The following SMC1B variants were observed in gnomAD, a reference collection of about 807,000 sequenced individuals.
SMC1B encodes structural maintenance of chromosomes 1B.
SMC1B carries 60 observed loss-of-function variants against 157.9 expected under a neutral mutation model. The observed-to-expected ratio is 0.38, with a 90% CI of 0.31 to 0.47. The LOEUF is 0.47. SMC1B is among the 20% of genes least tolerant of loss of function. The probability of loss-of-function intolerance (pLI) is 0.99; values close to 1 mark genes in which losing one functional copy is unlikely to be tolerated. For missense variants in SMC1B, 1,165 were observed against 1,426.2 expected (o/e 0.82, Z 2.95); for synonymous variants, 445 against 483.0 (o/e 0.92, Z 1.03).
chr22:45,344,593 C>T lies in SMC1B; in HGVS notation c.3671G>A (p.Gly1224Asp), dbSNP rs769738615. The T allele has an allele frequency of 3.0e-5, 48 of 1,613,962 alleles. No individual in the cohort carries two copies. Among genetic ancestry groups the T allele is most frequent in the Non-Finnish European group, 4.0e-5 (47 of 1,179,966 alleles). ...TCCGTGTCTCTTGCTGCTTTCTTGG[C>T]CTTCAGTGTCTGGATACTGAGAAAG... ...LDLSQYPDTE[G>D]QESSKRHGES... Residue 1224 changes from glycine (G) to aspartate (D), a missense_variant, in exon 25 of 25, where the codon GGC becomes GAC. Physicochemically the swap from Gly to Asp is moderately conservative, Grantham distance 94. Coordinates refer to ENST00000357450, the MANE Select transcript of SMC1B (RefSeq NM_148674.5).
At chr22:45,403,939 G>A (rs1185346627) in intron 4 of SMC1B, among the ~76,000 whole-genome samples, 1 of 151,492 alleles carries the variant, frequency 6.6e-6, no homozygotes, top group Non-Finnish European at 1.5e-5. Flanking sequence ...TTTTTTGTTT[G>A]TTTGTTTGTT....
chr22:45,402,689 T>C, intron 4 of SMC1B, 118 bp from the exon 5 acceptor site: 1 of 763,830 alleles, frequency 1.3e-6, no homozygotes, highest in Non-Finnish European at 2.2e-6. Context: ...TAGGACATAA[T>C]GTTCTTGCCA....
intron 22 of SMC1B, among the ~76,000 whole-genome samples, chr22:45,350,596 T>G (rs920967287): frequency 1.3e-5 from 2 of 150,336 alleles, no homozygotes; most frequent in Admixed American, 1.3e-4. Flanking sequence ...AGTTCTAACC[T>G]CAAATGTCCA....
intron 19 of SMC1B, among the ~76,000 whole-genome samples, chr22:45,357,303 G>A (rs2086679361): frequency 6.6e-6 from 1 of 152,224 alleles, no homozygotes; most frequent in Non-Finnish European, 1.5e-5. Flanking sequence ...CCAAAGAAAT[G>A]TATGGCTACA....
intron 6 of SMC1B, among the ~76,000 whole-genome samples, chr22:45,398,347 C>G (rs1043110801): frequency 6.6e-6 from 1 of 152,184 alleles, no homozygotes; most frequent in Non-Finnish European, 1.5e-5. Context: ...TAAACTTGCT[C>G]GCTCACACAC....
chr22:45,347,572 C>T (rs539330519), intron 23 of SMC1B, among the ~76,000 whole-genome samples: 2 of 152,072 alleles, frequency 1.3e-5, no homozygotes, highest in South Asian at 2.1e-4. Context: ...ACATCACTCA[C>T]AAGACTAGGT....
Position 45,362,972 on chromosome 22 carries a change from G to A in SMC1B, c.2475C>T (p.Arg825=). 1.9e-6 allele frequency: 3 copies of A among 1,599,096 alleles called. No homozygotes were observed. The highest frequency in any genetic ancestry group is 2.6e-6 in the Non-Finnish European group (3 of 1,174,460). Residue 825 remains arginine, a synonymous_variant, in exon 16 of 25, where the codon CGC becomes CGT. Transcript: ENST00000357450. ...TATTCAGTTTCTTCTTAAGGTGACT[G>A]CGACTATACTCAAGTTGAACATTAA... ...TRLNVQLEYS[R]SHLKKKLNKI...
chr22:45,398,285 C>T (rs1248977342), intron 6 of SMC1B, among the ~76,000 whole-genome samples: 1 of 152,222 alleles, frequency 6.6e-6, no homozygotes, highest in Non-Finnish European at 1.5e-5. Flanking sequence ...CAGCTCCAAG[C>T]ACCACATGAA....
intron 24 of SMC1B, 35 bp from the exon 25 acceptor site, chr22:45,344,692 A>C (rs769044225): frequency 6.9e-7 from 1 of 1,439,450 alleles, no homozygotes; most frequent in Non-Finnish European, 9.8e-7. Context: ...AAGTTCCCCT[A>C]ATTAGGGAAA....
intron 17 of SMC1B, among the ~76,000 whole-genome samples, chr22:45,361,614 G>A (rs1178236770): frequency 6.6e-6 from 1 of 152,198 alleles, no homozygotes; most frequent in Non-Finnish European, 1.5e-5. Flanking sequence ...AACAAAGGGA[G>A]ACTCCGTCTG....
rs1484842609 is a variant in SMC1B, at chr22:45,383,574, C to T, written c.1951G>A (p.Val651Met). ...LDGTLFLKSG[V>M]ISGGSSDLKY... Reference sequence around the variant, plus strand: ...AAGTCACTTGACCCTCCAGAGATCACTCCAGATTTTAAAAATAATGTTCCA... The same window carrying T: ...AAGTCACTTGACCCTCCAGAGATCATTCCAGATTTTAAAAATAATGTTCCA... The change falls in exon 12 of 25, where the codon GTG becomes ATG. Residue 651 changes from valine (V) to methionine (M), a missense_variant. Coordinates refer to ENST00000357450, the MANE Select transcript of SMC1B (RefSeq NM_148674.5). 6.2e-7 allele frequency: 1 copy of T among 1,602,248 alleles called. No homozygotes were observed. Among genetic ancestry groups the T allele is most frequent in the Middle Eastern group, 1.7e-4 (1 of 6,042 alleles).
At chr22:45,393,953 A>G in intron 8 of SMC1B, 112 bp from the exon 9 acceptor site, 1 of 685,968 alleles carries the variant, frequency 1.5e-6, no homozygotes. Flanking sequence ...TGCTCTATCA[A>G]TTTTTAAAGG....
At chr22:45,388,475 TAAAG>T (rs1471587061) in intron 10 of SMC1B, among the ~76,000 whole-genome samples, 1 of 151,888 alleles carries the variant, frequency 6.6e-6, no homozygotes, top group Non-Finnish European at 1.5e-5. Flanking sequence ...TGAGATGGGG[TAAAG>T]AGTTTTAGTG....
intron 15 of SMC1B, among the ~76,000 whole-genome samples, chr22:45,364,496 T>C (rs1247168834): frequency 1.3e-5 from 2 of 152,226 alleles, no homozygotes; most frequent in Admixed American, 6.5e-5. Context: ...TTATCATCTT[T>C]ATTTAACAGA....
chr22:45,401,403 T>C (rs1423152107), intron 5 of SMC1B, among the ~76,000 whole-genome samples: 1 of 152,178 alleles, frequency 6.6e-6, no homozygotes, highest in Non-Finnish European at 1.5e-5. Context: ...GCTGAGCCAA[T>C]AGAAAAGGGG....
In SMC1B at chr22:45,349,759, T is replaced by A. The variant is rs1205095796; in HGVS notation, c.3464A>T (p.Asp1155Val). ...PAPFFVLDEV[D>V]AALDNTNIGK... ...TATGTTAGTATTGTCTAGGGCTGCA[T>A]CCACTTCATCTAAAACAAAGAATGG... The change falls in exon 23 of 25, where the codon GAT (aspartate) becomes GTT (valine). Residue 1155 changes from aspartate to valine, a missense_variant. Transcript: ENST00000357450. The A allele has an allele frequency of 2.5e-6, 4 of 1,612,820 alleles. No individual in the cohort carries two copies. The highest frequency in any genetic ancestry group is 3.4e-6 in the Non-Finnish European group (4 of 1,179,724).
At chr22:45,358,904 A>G in intron 18 of SMC1B, 109 bp from the exon 19 acceptor site, 3 of 667,582 alleles carry the variant, frequency 4.5e-6, no homozygotes, top group Non-Finnish European at 7.9e-6. Context: ...AAGATCAGTT[A>G]TATAGATCAC....
intron 23 of SMC1B, among the ~76,000 whole-genome samples, chr22:45,346,165 A>G (rs1227288933): frequency 6.6e-6 from 1 of 150,974 alleles, no homozygotes; most frequent in East Asian, 1.9e-4. Context: ...AGATTGTGCC[A>G]CTGCACTCCA....
chr22:45,400,768 T>C (rs1337808381), intron 5 of SMC1B, among the ~76,000 whole-genome samples: 1 of 152,208 alleles, frequency 6.6e-6, no homozygotes, highest in African/African-American at 2.4e-5. Context: ...CATGTTGATA[T>C]GACACATGAT....
Sources: gnomAD v4.1 joint callset for allele counts (sites outside exome capture counted in the v4.1 genomes callset) on GRCh38, gnomAD v4.1.1 for gene constraint, MANE v1.5 for transcripts, NCBI Gene and HGNC (gene_info 2026-07-23, HGNC 2026-07-21) for gene names.